KMT2E: variants seen among roughly 807,000 people sequenced by gnomAD.
The protein encoded by KMT2E is lysine methyltransferase 2E (inactive).
In KMT2E, 30 loss-of-function variants were observed where a neutral mutation model predicts 184.6. The observed-to-expected ratio is 0.16, with a 90% CI of 0.12 to 0.22. KMT2E has a LOEUF of 0.22. KMT2E is among the 10% of genes least tolerant of loss of function. The probability of loss-of-function intolerance (pLI) is 1.00; values close to 1 mark genes in which losing one functional copy is unlikely to be tolerated. For synonymous variants in KMT2E, 815 were observed against 776.5 expected (o/e 1.05, Z -0.82); for missense variants, 2,023 against 2,237.4 (o/e 0.90, Z 1.93).
intron 11 of KMT2E, among the ~76,000 whole-genome samples, chr7:105,078,131 A>G (rs572163239): frequency 9.8e-5 from 15 of 152,342 alleles, no homozygotes; most frequent in African/African-American, 3.4e-4. Flanking sequence ...ATACACAGCA[A>G]TTTCTCCCTA....
chr7:105,035,022 ATTTT>A (rs981054177), intron 1 of KMT2E, among the ~76,000 whole-genome samples: 1 of 129,712 alleles, frequency 7.7e-6, no homozygotes, highest in Non-Finnish European at 1.7e-5. Context: ...CACCTGGCTA[ATTTT>A]TTTTTTTTTT....
intron 23 of KMT2E, among the ~76,000 whole-genome samples, chr7:105,109,521 T>C (rs1799089096): frequency 6.6e-6 from 1 of 152,188 alleles, no homozygotes; most frequent in Non-Finnish European, 1.5e-5. Context: ...ACCAGTTACC[T>C]TGAAAGAACA....
chr7:105,054,788 T>C (rs904641314), intron 3 of KMT2E, among the ~76,000 whole-genome samples: 11 of 152,192 alleles, frequency 7.2e-5, no homozygotes, highest in Admixed American at 2.0e-4. Context: ...GTGCTAGGAT[T>C]ACAGGCGTGA....
intron 1 of KMT2E, among the ~76,000 whole-genome samples, chr7:105,031,117 G>A (rs1795395363): frequency 6.6e-6 from 1 of 152,034 alleles, no homozygotes. Flanking sequence ...AACACCTTGG[G>A]AGGCCAAGGT....
intron 1 of KMT2E, among the ~76,000 whole-genome samples, chr7:105,021,468 G>C (rs1000483180): frequency 2.0e-5 from 3 of 152,122 alleles, no homozygotes; most frequent in African/African-American, 7.2e-5. Context: ...AGAGTTTTTT[G>C]GATGCAAGGA....
chr7:105,048,674 G>A (rs1366562235), intron 3 of KMT2E, among the ~76,000 whole-genome samples: 1 of 152,158 alleles, frequency 6.6e-6, no homozygotes, highest in African/African-American at 2.4e-5. Flanking sequence ...TTCCTGTAAA[G>A]GGCTAAAGAA....
intron 8 of KMT2E, 39 bp downstream of exon 8, chr7:105,074,854 G>A (rs759250327): frequency 3.4e-6 from 5 of 1,466,594 alleles, no homozygotes; most frequent in Non-Finnish European, 4.6e-6. Context: ...GGATAGGATA[G>A]CGGATAGGGA....
intron 15 of KMT2E, among the ~76,000 whole-genome samples, chr7:105,096,470 C>G (rs1466236209): frequency 6.6e-6 from 1 of 151,918 alleles, no homozygotes; most frequent in Non-Finnish European, 1.5e-5. Flanking sequence ...TTTAAAAGGA[C>G]GGACATTTGA....
intron 15 of KMT2E, among the ~76,000 whole-genome samples, chr7:105,100,480 T>A (rs1798604288): frequency 6.6e-6 from 1 of 151,944 alleles, no homozygotes; most frequent in South Asian, 2.1e-4. Context: ...CCTGTGGTTC[T>A]TTTCATTTTA....
intron 11 of KMT2E, 60 bp from the exon 12 acceptor site, chr7:105,078,786 G>A (rs1317134118): frequency 1.2e-5 from 10 of 868,354 alleles, no homozygotes; most frequent in Non-Finnish European, 1.5e-5. Flanking sequence ...GGAATTACAG[G>A]TGTGAACCAG....
chr7:105,087,173 AATAT>A (rs959227223), intron 13 of KMT2E, among the ~76,000 whole-genome samples: 2 of 146,976 alleles, frequency 1.4e-5, no homozygotes, highest in African/African-American at 2.5e-5. Context: ...TATATAATAA[AATAT>A]ATATTAGCAT....
At chr7:105,021,327 T>C (rs1023649443) in intron 1 of KMT2E, among the ~76,000 whole-genome samples, 1 of 152,234 alleles carries the variant, frequency 6.6e-6, no homozygotes, top group Non-Finnish European at 1.5e-5. Context: ...ACAATATTTT[T>C]GAAGCACAGA....
intron 6 of KMT2E, among the ~76,000 whole-genome samples, chr7:105,068,768 C>T (rs1797159802): frequency 6.6e-6 from 1 of 151,776 alleles, no homozygotes; most frequent in African/African-American, 2.4e-5. Context: ...AGCCACCTTG[C>T]CCGGCCATGT....
intron 2 of KMT2E, among the ~76,000 whole-genome samples, chr7:105,038,855 C>T (rs1468277638): frequency 2.0e-5 from 3 of 152,092 alleles, no homozygotes; most frequent in Non-Finnish European, 4.4e-5. Context: ...TAGTGAAATA[C>T]TTGCCTTAAT....
rs1052364413 is a variant in KMT2E at position 105,106,009 on chromosome 7, A to C, written c.2596+6A>C. ...TGACAGCTGTTCCCTTCCAGGTAGA[A>C]TTTTTTTTTCAGAGTTTTGGTTTGA... is the stretch of plus-strand genomic sequence containing the variant. On this transcript the variant is annotated splice_donor_region_variant and intron_variant, in intron 19 of 26. Transcript: ENST00000311117. The C allele has an allele frequency of 3.1e-6, 5 of 1,590,646 alleles. No individual in the cohort carries two copies. The highest frequency in any genetic ancestry group is 4.3e-6 in the Non-Finnish European group (5 of 1,170,938).
chr7:105,080,768 T>C (rs905976487), intron 12 of KMT2E, among the ~76,000 whole-genome samples: 1 of 151,808 alleles, frequency 6.6e-6, no homozygotes, highest in African/African-American at 2.4e-5. Context: ...CCCAGCACTT[T>C]GGGAGGCCAA....
At chr7:105,034,887 G>A (rs1014598498) in intron 1 of KMT2E, among the ~76,000 whole-genome samples, 6 of 151,370 alleles carry the variant, frequency 4.0e-5, no homozygotes, top group East Asian at 1.9e-4. Flanking sequence ...TGGAGTTTTC[G>A]CTTTGTCACC....
chr7:105,028,287 G>C (rs1795255059), intron 1 of KMT2E, among the ~76,000 whole-genome samples: 1 of 151,610 alleles, frequency 6.6e-6, no homozygotes, highest in African/African-American at 2.4e-5. Context: ...TCTCACCTCA[G>C]GCTCCCGAGT....
chr7:105,086,501 G>T (rs528526494), intron 13 of KMT2E, among the ~76,000 whole-genome samples: 1 of 152,158 alleles, frequency 6.6e-6, no homozygotes, highest in Non-Finnish European at 1.5e-5. Context: ...ATGGTGGGCG[G>T]ATCACTTGAG....
Sources: allele counts gnomAD v4.1 joint callset (sites outside exome capture counted in the v4.1 genomes callset), GRCh38; gene constraint gnomAD v4.1.1; transcripts MANE v1.5; gene names NCBI Gene and HGNC (gene_info 2026-07-23, HGNC 2026-07-21).